ERP27: variants seen among roughly 807,000 people sequenced by gnomAD.
ERP27 encodes endoplasmic reticulum resident protein 27.
In ERP27, 23 loss-of-function variants were observed where a neutral mutation model predicts 27.7. That is an observed-to-expected ratio of 0.83 (90% confidence interval 0.60 to 1.18). The LOEUF (loss-of-function observed/expected upper bound fraction) is 1.18. Among genes scored for constraint, ERP27 ranks in the 50% most tolerant of loss-of-function variants. The pLI is 0.00. For missense variants in ERP27, 363 were observed against 327.9 expected (o/e 1.11, Z -0.83); for synonymous variants, 159 against 118.3 (o/e 1.34, Z -2.23).
intron 1 of ERP27, 118 bp downstream of exon 1, chr12:14,938,297 G>A (rs1863802826): frequency 9.0e-7 from 1 of 1,108,218 alleles, no homozygotes; most frequent in Non-Finnish European, 1.4e-6. Flanking sequence ...ACTTATCCAG[G>A]ATTTCCTGGA....
intron 3 of ERP27, among the ~76,000 whole-genome samples, chr12:14,933,624 C>G (rs1440244645): frequency 1.1e-4 from 16 of 152,194 alleles, no homozygotes; most frequent in Admixed American, 1.0e-3. Context: ...TCCCGAAATA[C>G]TGAAAACTTT....
At chr12:14,925,313 G>A (rs937378558) in intron 3 of ERP27, among the ~76,000 whole-genome samples, 1 of 152,142 alleles carries the variant, frequency 6.6e-6, no homozygotes, top group African/African-American at 2.4e-5. Context: ...AAGTGATGGG[G>A]TTCAGTTATA....
At chr12:14,922,755 A>T (rs1863525326) in intron 3 of ERP27, among the ~76,000 whole-genome samples, 2 of 152,324 alleles carry the variant, frequency 1.3e-5, no homozygotes, top group African/African-American at 4.8e-5. Flanking sequence ...ATCCACTTGG[A>T]ACTCATTTTT....
chr12:14,924,357 G>A (rs887552788), intron 3 of ERP27, among the ~76,000 whole-genome samples: 51 of 152,062 alleles, frequency 3.4e-4, no homozygotes, highest in African/African-American at 5.6e-4. Flanking sequence ...ATATCTCCTC[G>A]ACATACTATT....
chr12:14,938,300 T>C, intron 1 of ERP27, 115 bp downstream of exon 1: 1 of 1,122,534 alleles, frequency 8.9e-7, no homozygotes, highest in East Asian at 2.4e-5. Context: ...TATCCAGGAT[T>C]TCCTGGAAAG....
At position 14,938,461 on chromosome 12, in the gene ERP27, C is replaced by A; in HGVS notation, c.48G>T (p.Thr16=). Residue 16 remains threonine, a synonymous_variant, in exon 1 of 7, where the codon ACG becomes ACT. Transcript: ENST00000266397. ...CAGCAACTTCTGCAGCCAGCTCACA[C>A]GTGAGGAGAAATAAGAGGAACATGA... The part of the protein sequence containing the change: ...SRFMFLLFLL[T]CELAAEVAAE... 6.8e-6 allele frequency: 11 copies of A among 1,614,136 alleles called. No homozygotes were observed. The highest frequency in any genetic ancestry group is 8.5e-6 in the Non-Finnish European group (10 of 1,180,022).
chr12:14,932,644 T>C (rs1036614953), intron 3 of ERP27, among the ~76,000 whole-genome samples: 1 of 152,230 alleles, frequency 6.6e-6, no homozygotes, highest in African/African-American at 2.4e-5. Flanking sequence ...AAGAGTGCTA[T>C]GGCCAAATTT....
rs75370869 is a variant in ERP27 at position 14,930,268 on chromosome 12, G to A, written c.333+4588C>T. On this transcript the variant is annotated intron_variant, in intron 3 of 6. Transcript: ENST00000266397. Reference sequence around the variant, plus strand: ...TTCTTATCAGTTTATTCTCATGCACGAGTTTCTTCTGATTCTCTTTGTCTG... The same window carrying A: ...TTCTTATCAGTTTATTCTCATGCACAAGTTTCTTCTGATTCTCTTTGTCTG... 7.2e-3 allele frequency among the ~76,000 whole-genome samples: 1,089 copies of A among 152,206 alleles called. 12 individuals are homozygous for A. The highest frequency in any genetic ancestry group is 0.02 in the Middle Eastern group (6 of 294).
Position 14,917,339 on chromosome 12 carries a change from C to A in ERP27, c.451-36G>T, listed in dbSNP as rs148226063. On this transcript the variant is annotated intron_variant, in intron 4 of 6. Transcript: ENST00000266397. ...GAAATGTGTTACAGTAGAGTGAAAGCGAGAAAGAATGCATTAGTACCTGGG... is the reference window on the plus strand; with the variant it reads ...GAAATGTGTTACAGTAGAGTGAAAGAGAGAAAGAATGCATTAGTACCTGGG... 3.8e-4 allele frequency: 620 copies of A among 1,613,540 alleles called. 5 individuals are homozygous for A. The African/African-American group carries it at 7.3e-3, about 19-fold the overall frequency.
intron 3 of ERP27, among the ~76,000 whole-genome samples, chr12:14,929,498 C>T (rs548832660): frequency 6.6e-6 from 1 of 152,258 alleles, no homozygotes; most frequent in Non-Finnish European, 1.5e-5. Flanking sequence ...GAAAATCCAA[C>T]CCAGGAACCA....
chr12:14,928,595 G>A (rs1467770312), intron 3 of ERP27, among the ~76,000 whole-genome samples: 2 of 152,116 alleles, frequency 1.3e-5, no homozygotes, highest in Admixed American at 6.5e-5. Flanking sequence ...TCTTTATTTT[G>A]GGACTGCTTT....
At chr12:14,930,983 A>G (rs1159729497) in intron 3 of ERP27, among the ~76,000 whole-genome samples, 1 of 152,214 alleles carries the variant, frequency 6.6e-6, no homozygotes, top group African/African-American at 2.4e-5. Context: ...AATGAGGGAC[A>G]TTAGATAGAA....
At chr12:14,930,191 T>C (rs959659162) in intron 3 of ERP27, among the ~76,000 whole-genome samples, 4 of 152,096 alleles carry the variant, frequency 2.6e-5, no homozygotes, top group African/African-American at 9.7e-5. Flanking sequence ...TGAAATAAAA[T>C]AAAATAGAAT....
rs920459286 is a variant in ERP27, at chr12:14,919,545, G to C, written c.450+1387C>G. On this transcript the variant is annotated intron_variant, in intron 4 of 6. Coordinates refer to ENST00000266397, the MANE Select transcript of ERP27 (RefSeq NM_152321.4). ...TGGAGCCTTAGCAGAAGTGGAAATA[G>C]AGTCACCAACTCCACAGAGATAAAG... Among the ~76,000 whole-genome samples the C allele has an allele frequency of 3.9e-5, 6 of 152,174 alleles. No homozygotes were observed. In the East Asian group the frequency reaches 7.7e-4, roughly 20 times the overall value.
At chr12:14,920,897 G>C (rs2445382) in intron 4 of ERP27, 35 bp downstream of exon 4, 985,851 of 1,548,876 alleles carry the variant, frequency 0.64, 315,637 homozygotes, top group East Asian at 0.85. Context: ...CCGACTCAGG[G>C]TCTGAAGGGA....
In ERP27 at chr12:14,934,966, G is replaced by A; in HGVS notation, c.223C>T (p.Leu75Phe). Residue 75 changes from leucine to phenylalanine, a missense_variant, in exon 3 of 7, where the codon CTC (leucine) becomes TTC (phenylalanine). Transcript: ENST00000266397. ...GGGAATTTTTGCACCATGCTATGGAGTATGGGCACTGCTGGTATTTCTAAA... is the reference window on the plus strand; with the variant it reads ...GGGAATTTTTGCACCATGCTATGGAATATGGGCACTGCTGGTATTTCTAAA... ...QDLEIPAVPILHSMVQKFPGV... is the reference protein window; with the variant it reads ...QDLEIPAVPIFHSMVQKFPGV... 1 of 1,614,110 alleles carries A rather than the reference G, an allele frequency of 6.2e-7. No individual in the cohort carries two copies. Among genetic ancestry groups the A allele is most frequent in the South Asian group, 1.1e-5 (1 of 91,074 alleles).
intron 3 of ERP27, among the ~76,000 whole-genome samples, chr12:14,929,345 T>C (rs904920482): frequency 6.6e-6 from 1 of 152,214 alleles, no homozygotes; most frequent in Admixed American, 6.5e-5. Flanking sequence ...TTTGTTGTAC[T>C]TCTTTTAAGA....
intron 3 of ERP27, among the ~76,000 whole-genome samples, chr12:14,929,818 G>A (rs1863671482): frequency 6.6e-6 from 1 of 152,066 alleles, no homozygotes; most frequent in Non-Finnish European, 1.5e-5. Context: ...TATTAAAATT[G>A]TCTTAGTTTA....
intron 4 of ERP27, among the ~76,000 whole-genome samples, chr12:14,918,657 C>G (rs1056407611): frequency 5.3e-5 from 8 of 152,160 alleles, no homozygotes; most frequent in Non-Finnish European, 1.2e-4. Flanking sequence ...TGGTCAGAGT[C>G]TTAGGAGGAT....
Sources: gnomAD v4.1 joint callset for allele counts (sites outside exome capture counted in the v4.1 genomes callset) on GRCh38, gnomAD v4.1.1 for gene constraint, MANE v1.5 for transcripts, NCBI Gene and HGNC (gene_info 2026-07-23, HGNC 2026-07-21) for gene names.